CELF2: variants seen among roughly 807,000 people sequenced by gnomAD.
CELF2 encodes CUGBP Elav-like family member 2, also known as CUG triplet repeat RNA-binding protein 2.
In CELF2, 8 loss-of-function variants were observed where a neutral mutation model predicts 62.6. The observed-to-expected ratio is 0.13, with a 90% CI of 0.07 to 0.23. The LOEUF (loss-of-function observed/expected upper bound fraction) is 0.23. Ranked by LOEUF, CELF2 falls within the 10% of genes least tolerant of loss-of-function variation. The pLI, the probability that CELF2 is intolerant of heterozygous loss-of-function variation, is 1.00. For missense variants in CELF2, 333 were observed against 671.0 expected (o/e 0.50, Z 5.56); for synonymous variants, 258 against 250.0 (o/e 1.03, Z -0.30).
intron 11 of CELF2, among the ~76,000 whole-genome samples, chr10:11,323,370 T>C (rs760522421): frequency 1.3e-5 from 2 of 151,406 alleles, no homozygotes; most frequent in Non-Finnish European, 2.9e-5. Context: ...AACCATCTTC[T>C]TATTAGTTTA....
intron 1 of CELF2, among the ~76,000 whole-genome samples, chr10:11,120,126 C>T (rs1308921498): frequency 1.3e-5 from 2 of 152,058 alleles, no homozygotes; most frequent in African/African-American, 2.4e-5. Context: ...TTGAGCATGT[C>T]GTGTGTGTCA....
Position 11,270,683 on chromosome 10 carries a change from C to G in CELF2, c.636C>G (p.Ile212Met), listed in dbSNP as rs762525404. The change falls in exon 7 of 13, where the codon ATC (isoleucine) becomes ATG (methionine). Residue 212 changes from isoleucine (I) to methionine (M), a missense_variant. By Grantham distance (10) the Ile-to-Met change is conservative. Coordinates refer to ENST00000633077, the MANE Select transcript of CELF2 (RefSeq NM_001326342.2). The surrounding 1 kb of genome is among the most constrained non-coding windows in gnomAD (Gnocchi z 5.8). ...GACCACAGGGCTGCTCTTCACCTAT[C>G]GTGGTGAAGTTTGCTGACACTCAGA... The part of the protein sequence containing the change: ...SQTMEGCSSP[I>M]VVKFADTQKD... 2.6e-6 allele frequency: 4 copies of G among 1,511,368 alleles called. No homozygotes were observed. The highest frequency in any genetic ancestry group is 2.6e-5 in the South Asian group (2 of 76,548). 93.6% of individuals were successfully genotyped at this position (1,511,368 alleles called of 1,614,324 possible).
chr10:10,634,534 T>C, the CELF2 span, among the ~76,000 whole-genome samples: 2 of 152,222 alleles, frequency 1.3e-5, no homozygotes, highest in Non-Finnish European at 2.9e-5. Flanking sequence ...ATATTGTATA[T>C]ATTTTGGTGT....
In CELF2 at chr10:11,296,680, C is replaced by T. The variant is rs1260103313; in HGVS notation, c.976+8128C>T. On this transcript the variant is annotated intron_variant, in intron 9 of 12. Transcript: ENST00000633077. The surrounding 1 kb of genome is among the most constrained non-coding windows in gnomAD (Gnocchi z 5.0). Reference sequence around the variant, plus strand: ...ACTAGATGCATTGGCCACCTACAAACACAAGCAAAATGTACCGACCTGTAC... The same window carrying T: ...ACTAGATGCATTGGCCACCTACAAATACAAGCAAAATGTACCGACCTGTAC... Among the ~76,000 whole-genome samples, 1 of 152,102 alleles carries T rather than the reference C, an allele frequency of 6.6e-6. No individual in the cohort carries two copies. The highest frequency in any genetic ancestry group is 2.1e-4 in the South Asian group (1 of 4,822).
At chr10:10,646,074 A>G in the CELF2 span, among the ~76,000 whole-genome samples, 1 of 152,188 alleles carries the variant, frequency 6.6e-6, no homozygotes, top group African/African-American at 2.4e-5. Flanking sequence ...TGAGGTTTTC[A>G]GATAAGATCT....
chr10:11,066,280 C>CT (rs1180548103), intron 1 of CELF2, among the ~76,000 whole-genome samples: 2 of 151,824 alleles, frequency 1.3e-5, no homozygotes, highest in African/African-American at 4.8e-5. Context: ...GGAACCACAC[C>CT]TTTTTTTTCC....
intron 1 of CELF2, among the ~76,000 whole-genome samples, chr10:10,809,209 C>T (rs937965589): frequency 8.5e-5 from 13 of 152,206 alleles, no homozygotes; most frequent in African/African-American, 2.9e-4. Flanking sequence ...CTCTCTTTCT[C>T]TCTGTCTCTG....
At chr10:10,930,007 G>A (rs922208066) in intron 2 of CELF2, among the ~76,000 whole-genome samples, 6 of 152,178 alleles carry the variant, frequency 3.9e-5, no homozygotes, top group African/African-American at 1.4e-4. Context: ...CGCCTATCAC[G>A]GGCAGCTCCA....
At chr10:10,842,160 A>G (rs567965057) in intron 1 of CELF2, among the ~76,000 whole-genome samples, 7 of 152,164 alleles carry the variant, frequency 4.6e-5, no homozygotes, top group East Asian at 3.9e-4. Context: ...TAATCTTGCT[A>G]TAGTTACTGA....
chr10:10,745,354 T>C, the CELF2 span, among the ~76,000 whole-genome samples: 2 of 152,182 alleles, frequency 1.3e-5, no homozygotes, highest in Non-Finnish European at 2.9e-5. Flanking sequence ...TCTCCTTTCA[T>C]AGTTTTCAAG....
At chr10:10,598,994 C>T in the CELF2 span, among the ~76,000 whole-genome samples, 1 of 151,810 alleles carries the variant, frequency 6.6e-6, no homozygotes, top group East Asian at 1.9e-4. Flanking sequence ...TCAGGTGATC[C>T]ACCCTCCTCG....
the CELF2 span, among the ~76,000 whole-genome samples, chr10:10,571,901 TAATA>T: frequency 3.1e-4 from 47 of 152,188 alleles, no homozygotes; most frequent in Admixed American, 7.9e-4. Context: ...CCCAAGACTT[TAATA>T]AATAAAGAGA....
chr10:10,798,539 G>C, upstream of CELF2: 1 of 386,728 alleles, frequency 2.6e-6, no homozygotes, highest in African/African-American at 2.1e-5. Context: ...GCAGATTACC[G>C]GGGCTTTAAA....
chr10:10,984,434 G>A (rs1299066871), intron 2 of CELF2, among the ~76,000 whole-genome samples: 1 of 152,188 alleles, frequency 6.6e-6, no homozygotes, highest in Non-Finnish European at 1.5e-5. Context: ...TAATTGTACA[G>A]CCTCTCAATT....
intron 1 of CELF2, among the ~76,000 whole-genome samples, chr10:11,099,939 G>T (rs1723319268): frequency 6.7e-6 from 1 of 150,160 alleles, no homozygotes; most frequent in African/African-American, 2.4e-5. Context: ...GGTGGCTCAT[G>T]CCCATAATCC....
intron 3 of CELF2, 110 bp from the exon 4 acceptor site, chr10:11,249,043 G>T: frequency 2.4e-6 from 2 of 827,558 alleles, no homozygotes; most frequent in Admixed American, 3.9e-5. Flanking sequence ...AAGTCTTGTT[G>T]TCACTTATGT....
the CELF2 span, among the ~76,000 whole-genome samples, chr10:10,632,985 A>AT: frequency 2.6e-5 from 4 of 152,182 alleles, no homozygotes; most frequent in African/African-American, 7.2e-5. Context: ...GAGATGCCTC[A>AT]TTTTTTATAA....
the CELF2 span, among the ~76,000 whole-genome samples, chr10:10,505,138 G>C: frequency 6.6e-6 from 1 of 152,024 alleles, no homozygotes. Context: ...CTTAATATGA[G>C]ACTATTAAAT....
chr10:10,734,221 T>C, the CELF2 span, among the ~76,000 whole-genome samples: 1 of 152,200 alleles, frequency 6.6e-6, no homozygotes, highest in African/African-American at 2.4e-5. Flanking sequence ...GTTACAAATA[T>C]TATTATTATG....
Sources: allele counts gnomAD v4.1 joint callset (sites outside exome capture counted in the v4.1 genomes callset), GRCh38; gene constraint gnomAD v4.1.1; non-coding constraint Gnocchi (gnomAD v3.1); transcripts MANE v1.5; gene names NCBI Gene and HGNC (gene_info 2026-07-23, HGNC 2026-07-21).